The following RFPL2 variants were observed in gnomAD, a reference collection of about 807,000 sequenced individuals.
RFPL2 encodes the protein ret finger protein like 2, also known as ret finger protein-like 2.
In RFPL2, 13 loss-of-function variants were observed where a neutral mutation model predicts 17.8. The observed-to-expected ratio is 0.73, with a 90% CI of 0.47 to 1.16. The LOEUF (loss-of-function observed/expected upper bound fraction) is 1.16, where lower values mean the gene tolerates loss of function less well. RFPL2 is among the 50% of genes most tolerant of loss of function. The pLI is 0.00. For missense variants in RFPL2, 431 were observed against 479.3 expected, an observed-to-expected ratio of 0.90 and a Z score of 0.94; for synonymous variants, 189 against 180.9, an observed-to-expected ratio of 1.04 and a Z score of -0.36.
In RFPL2 at chr22:32,193,073, G is replaced by T; in HGVS notation, c.385C>A (p.Gln129Lys). Residue 129 changes from glutamine (Q) to lysine (K), a missense_variant, in exon 4 of 5, where the codon CAG becomes AAG. Gln to Lys is a moderately conservative substitution (Grantham distance 53). Transcript: ENST00000652607. ...AGATCCTCCCCATGGGGCTCCTTCTGCAGTGAATTAATGCACTTGAGGCAG... is the reference window on the plus strand; with the variant it reads ...AGATCCTCCCCATGGGGCTCCTTCTTCAGTGAATTAATGCACTTGAGGCAG... ...AVCLKCINSLQKEPHGEDLLC... is the reference protein window; with the variant it reads ...AVCLKCINSLKKEPHGEDLLC... 6.2e-7 allele frequency: 1 copy of T among 1,613,962 alleles called. No homozygotes were observed. Among genetic ancestry groups the T allele is most frequent in the Non-Finnish European group, 8.5e-7 (1 of 1,179,866 alleles).
At position 32,191,364 on chromosome 22, in the gene RFPL2, A is replaced by C; in HGVS notation, c.557-12T>G. 1 of 1,587,060 alleles carries C rather than the reference A, an allele frequency of 6.3e-7. No homozygotes were observed. The highest frequency in any genetic ancestry group is 8.6e-7 in the Non-Finnish European group (1 of 1,169,114). Reference sequence around the variant, plus strand: ...CAAGGTCATATCCACTGTGAAAAGGAAAAAAAGTTGCTCAGCAAATGGACA... The same window carrying C: ...CAAGGTCATATCCACTGTGAAAAGGCAAAAAAGTTGCTCAGCAAATGGACA... On this transcript the variant is annotated splice_polypyrimidine_tract_variant and intron_variant, in intron 4 of 4. Coordinates refer to ENST00000652607, the MANE Select transcript of RFPL2 (RefSeq NM_001394555.1).
intron 2 of RFPL2, among the ~76,000 whole-genome samples, chr22:32,195,113 C>T (rs533268197): frequency 2.6e-5 from 4 of 152,262 alleles, no homozygotes; most frequent in Admixed American, 6.5e-5. Flanking sequence ...CGTCTTCATG[C>T]CTTTCTGTGT....
At chr22:32,202,270 T>C in intron 2 of RFPL2, 63 bp downstream of exon 2, 1 of 1,544,092 alleles carries the variant, frequency 6.5e-7, no homozygotes, top group African/African-American at 1.4e-5. Flanking sequence ...CCTCCTGCCT[T>C]CCTCTTTCCC....
chr22:32,202,282 T>G, intron 2 of RFPL2, 51 bp downstream of exon 2: 2 of 1,552,078 alleles, frequency 1.3e-6, no homozygotes, highest in South Asian at 2.4e-5. Flanking sequence ...CTCTTTCCCT[T>G]ATAAAGACTC....
intron 2 of RFPL2, among the ~76,000 whole-genome samples, chr22:32,198,662 GT>G (rs1923611596): frequency 6.6e-6 from 1 of 151,856 alleles, no homozygotes; most frequent in South Asian, 2.1e-4. Context: ...TGTATCTCGT[GT>G]TGGCTTGTGG....
chr22:32,199,613 G>A (rs1268190877), intron 2 of RFPL2, among the ~76,000 whole-genome samples: 3 of 152,204 alleles, frequency 2.0e-5, no homozygotes, highest in African/African-American at 4.8e-5. Context: ...AGCCAGAGCC[G>A]GACTGCGTCA....
rs758440148 is a variant in RFPL2, at chr22:32,191,128, A to T, written c.781T>A (p.Ser261Thr). 1.1e-5 allele frequency: 17 copies of T among 1,613,738 alleles called. No individual in the cohort carries two copies. In the African/African-American group the frequency reaches 2.3e-4, roughly 22 times the overall value. ...TEWDLGVCRESVHRKGRIQLT... is the reference protein window; with the variant it reads ...TEWDLGVCRETVHRKGRIQLT... ...TGGATCCTCCCTTTGCGGTGAACAG[A>T]TTCTCTGCAGACTCCCAGGTCCCAT... Residue 261 changes from serine (S) to threonine (T), a missense_variant, in exon 5 of 5, where the codon TCT becomes ACT. Ser to Thr is a moderately conservative substitution (Grantham distance 58, BLOSUM62 1). Transcript: ENST00000652607.
In RFPL2 at chr22:32,191,131, C is replaced by T; in HGVS notation, c.778G>A (p.Glu260Lys). ...STEWDLGVCR[E>K]SVHRKGRIQL... is the part of the protein sequence containing the mutation. ...ATCCTCCCTTTGCGGTGAACAGATTCTCTGCAGACTCCCAGGTCCCATTCT... is the reference window on the plus strand; with the variant it reads ...ATCCTCCCTTTGCGGTGAACAGATTTTCTGCAGACTCCCAGGTCCCATTCT... Residue 260 changes from glutamate to lysine, a missense_variant, in exon 5 of 5, where the codon GAA becomes AAA. Transcript: ENST00000652607. 6.2e-7 allele frequency: 1 copy of T among 1,613,978 alleles called. No homozygotes were observed. The highest frequency in any genetic ancestry group is 8.5e-7 in the Non-Finnish European group (1 of 1,179,870).
intron 2 of RFPL2, among the ~76,000 whole-genome samples, chr22:32,201,199 G>A (rs1923886575): frequency 6.6e-6 from 1 of 151,954 alleles, no homozygotes; most frequent in Non-Finnish European, 1.5e-5. Context: ...CACCACACCT[G>A]GCTAATTTTT....
intron 1 of RFPL2, chr22:32,203,107 G>C (rs113781623): frequency 5.1e-6 from 5 of 985,168 alleles, no homozygotes; most frequent in Admixed American, 6.1e-5. Flanking sequence ...GCCCGCCACC[G>C]GCAGTGCAGT....
At chr22:32,199,940 C>T (rs577129816) in intron 2 of RFPL2, 62 of 536,866 alleles carry the variant, frequency 1.2e-4, no homozygotes, top group Middle Eastern at 6.0e-4. Context: ...GCCACCCCCT[C>T]GGTCACTCTG....
Position 32,198,540 on chromosome 22 carries a change from G to A in RFPL2, c.119+3793C>T, listed in dbSNP as rs572942647. On this transcript the variant is annotated intron_variant, in intron 2 of 4. Transcript: ENST00000652607. The stretch of plus-strand genomic sequence containing the variant: ...AGATTTTCTATGAGCCTGTGTCACA[G>A]TGTGGGGTATTTCATGGAGGACCCG... Among the ~76,000 whole-genome samples the A allele has an allele frequency of 7.2e-4, 109 of 152,208 alleles. 1 individual carries two copies. The highest frequency in any genetic ancestry group is 2.1e-3 in the African/African-American group (89 of 41,514).
intron 2 of RFPL2, among the ~76,000 whole-genome samples, chr22:32,196,911 A>G (rs1923393529): frequency 1.3e-5 from 2 of 152,316 alleles, no homozygotes; most frequent in Non-Finnish European, 2.9e-5. Context: ...TTTAGTATTT[A>G]AAAGGCAATT....
At chr22:32,201,605 A>G (rs1024947111) in intron 2 of RFPL2, among the ~76,000 whole-genome samples, 2 of 152,140 alleles carry the variant, frequency 1.3e-5, no homozygotes, top group East Asian at 1.9e-4. Context: ...AGGACGCATC[A>G]TTTATAGAAA....
rs1247936551 is a variant in RFPL2 at position 32,194,458 on chromosome 22, T to C, written c.152A>G (p.Asp51Gly). 3 of 1,612,070 alleles carry C rather than the reference T, an allele frequency of 1.9e-6. No individual in the cohort carries two copies. The highest frequency in any genetic ancestry group is 1.1e-5 in the South Asian group (1 of 90,676). The change falls in exon 3 of 5, where the codon GAC (aspartate) becomes GGC (glycine). Residue 51 changes from aspartate (D) to glycine (G), a missense_variant. Asp to Gly is a moderately conservative substitution (Grantham distance 94, BLOSUM62 -1). Coordinates refer to ENST00000652607, the MANE Select transcript of RFPL2 (RefSeq NM_001394555.1). Reference sequence around the variant, plus strand: ...GGTGAGATTCCCACCTCCCACTGGGTCACGCCCTTCCACACCCTCTAACCT... The same window carrying C: ...GGTGAGATTCCCACCTCCCACTGGGCCACGCCCTTCCACACCCTCTAACCT... ...LIRLEGVEGRDPVGGGNLTNK... is the reference protein window; with the variant it reads ...LIRLEGVEGRGPVGGGNLTNK...
chr22:32,204,540 CG>C (rs1924338171), intron 1 of RFPL2, among the ~76,000 whole-genome samples, 166 bp downstream of exon 1: 1 of 152,182 alleles, frequency 6.6e-6, no homozygotes, highest in Non-Finnish European at 1.5e-5. Flanking sequence ...TCCCCCTCCC[CG>C]CCCCCTGCCG....
chr22:32,202,258 C>A, intron 2 of RFPL2, 75 bp downstream of exon 2: 1 of 1,531,972 alleles, frequency 6.5e-7, no homozygotes. Flanking sequence ...CACTGTGACC[C>A]TCCTCCTGCC....
intron 1 of RFPL2, chr22:32,202,787 A>T (rs1924078359): frequency 9.2e-7 from 1 of 1,083,506 alleles, no homozygotes; most frequent in Non-Finnish European, 1.1e-6. Flanking sequence ...CTCGGGAAGC[A>T]GGAGCAGCAG....
chr22:32,190,464 T>C lies in RFPL2; in HGVS notation c.*308A>G, dbSNP rs553152723. 4.3e-6 allele frequency: 1 copy of C among 231,056 alleles called. No individual in the cohort carries two copies. Among genetic ancestry groups the C allele is most frequent in the Admixed American group, 5.6e-5 (1 of 17,902 alleles). The allele number at this position is 231,056 out of a possible 1,614,324, so 14.3% of individuals were successfully genotyped here. ...GATATTCCAATCTTTATTTAACTCA[T>C]AACTTCTATAATACATTAATTTGAA... On this transcript the variant is annotated 3_prime_UTR_variant, in exon 5 of 5. Transcript: ENST00000652607.
Sources: gnomAD v4.1 joint callset for allele counts (sites outside exome capture counted in the v4.1 genomes callset) on GRCh38, gnomAD v4.1.1 for gene constraint, MANE v1.5 for transcripts, NCBI Gene and HGNC (gene_info 2026-07-23, HGNC 2026-07-21) for gene names.